The following PTCHD4 variants were observed in gnomAD, a reference collection of about 807,000 sequenced individuals.
The protein encoded by PTCHD4 is patched domain-containing protein 4.
In PTCHD4, 33 loss-of-function variants were observed where a neutral mutation model predicts 58.1. The observed-to-expected ratio is 0.57, with a 90% CI of 0.43 to 0.76. The LOEUF (loss-of-function observed/expected upper bound fraction) is 0.76. Ranked by LOEUF, PTCHD4 falls within the 30% of genes least tolerant of loss-of-function variation. PTCHD4 has a pLI of 0.00. For synonymous variants in PTCHD4, 478 were observed against 409.6 expected, an observed-to-expected ratio of 1.17 and a Z score of -2.02; for missense variants, 1,058 against 1,027.1, an observed-to-expected ratio of 1.03 and a Z score of -0.41.
intron 1 of PTCHD4, among the ~76,000 whole-genome samples, chr6:48,104,420 C>T (rs370636935): frequency 6.6e-6 from 1 of 152,120 alleles, no homozygotes; most frequent in Non-Finnish European, 1.5e-5. Context: ...TTGTCACCAC[C>T]AGGCCTGCCC....
At chr6:47,926,700 G>T (rs544109933) in intron 4 of PTCHD4, among the ~76,000 whole-genome samples, 196 of 152,272 alleles carry the variant, frequency 1.3e-3, no homozygotes, top group Non-Finnish European at 1.3e-3. Flanking sequence ...GTAGTAGAAA[G>T]AACATAGATC....
chr6:48,083,563 T>TA (rs1462942763), intron 1 of PTCHD4, among the ~76,000 whole-genome samples: 1 of 152,152 alleles, frequency 6.6e-6, no homozygotes, highest in Non-Finnish European at 1.5e-5. Context: ...TTATGGGGGT[T>TA]AAAATGGAAG....
intron 4 of PTCHD4, among the ~76,000 whole-genome samples, chr6:47,910,970 T>C (rs1166810478): frequency 6.6e-6 from 1 of 152,106 alleles, no homozygotes; most frequent in Non-Finnish European, 1.5e-5. Flanking sequence ...TTAGTGAAGC[T>C]CATGACCTAA....
intron 4 of PTCHD4, among the ~76,000 whole-genome samples, chr6:47,923,953 A>G (rs552073830): frequency 9.3e-4 from 141 of 152,282 alleles, no homozygotes; most frequent in African/African-American, 3.2e-3. Context: ...TGAGGCTAAC[A>G]TCACTCACAA....
chr6:48,004,671 C>A (rs1409842449), intron 4 of PTCHD4, among the ~76,000 whole-genome samples: 1 of 152,096 alleles, frequency 6.6e-6, no homozygotes, highest in East Asian at 1.9e-4. Context: ...AATCCCAGAA[C>A]TTTGGGAGGC....
Position 47,914,733 on chromosome 6 carries a change from TTATCTATCTATTATC to T in PTCHD4, c.899-34812_899-34798del, listed in dbSNP as rs1389302527. Among the ~76,000 whole-genome samples, 151 of 61,752 alleles carry T rather than the reference TTATCTATCTATTATC, an allele frequency of 2.4e-3. 1 individual carries two copies. Among genetic ancestry groups the T allele is most frequent in the South Asian group, 5.2e-3 (8 of 1,532 alleles). 40.5% of individuals were successfully genotyped at this position (61,752 alleles called of 152,430 possible). A position where few individuals can be genotyped will look rare whatever the true frequency, so the allele number is the denominator to read the frequency against. ...GTCTCTCTGTCTGTCTATCTATCTATTATCTATCTATTATCTATCTATCTATCTATCTATCTATCT... is the reference window on the plus strand; with the variant it reads ...GTCTCTCTGTCTGTCTATCTATCTATTATCTATCTATCTATCTATCTATCT... On this transcript the variant is annotated intron_variant, in intron 4 of 4. Coordinates refer to ENST00000339488, the MANE Select transcript of PTCHD4 (RefSeq NM_001384253.1).
chr6:47,860,845 A>G lies in PTCHD4; in HGVS notation c.*17458T>C, dbSNP rs759047165. Among the ~76,000 whole-genome samples, 8 of 152,032 alleles carry G rather than the reference A, an allele frequency of 5.3e-5. No homozygotes were observed. Among genetic ancestry groups the G allele is most frequent in the Non-Finnish European group, 1.0e-4 (7 of 67,954 alleles). Reference sequence around the variant, plus strand: ...TGAACTGGCGATAAAATACTTTCATAAAAATTATTTATCCTGAGATAAACT... The same window carrying G: ...TGAACTGGCGATAAAATACTTTCATGAAAATTATTTATCCTGAGATAAACT... On this transcript the variant is annotated 3_prime_UTR_variant, in exon 5 of 5. Coordinates refer to ENST00000339488, the MANE Select transcript of PTCHD4 (RefSeq NM_001384253.1).
chr6:48,029,504 C>T (rs973266446), intron 3 of PTCHD4, among the ~76,000 whole-genome samples: 1 of 152,002 alleles, frequency 6.6e-6, no homozygotes, highest in African/African-American at 2.4e-5. Context: ...TATGGCTTTT[C>T]TGCTTGAAAT....
At chr6:47,943,837 T>C (rs368287361) in intron 4 of PTCHD4, among the ~76,000 whole-genome samples, 22 of 152,206 alleles carry the variant, frequency 1.4e-4, no homozygotes, top group African/African-American at 5.1e-4. Flanking sequence ...CAGTTCCATC[T>C]GGCTACAAAG....
chr6:47,899,149 C>T (rs1476908083), intron 4 of PTCHD4, among the ~76,000 whole-genome samples: 1 of 152,198 alleles, frequency 6.6e-6, no homozygotes, highest in African/African-American at 2.4e-5. Context: ...ATCACATCCG[C>T]CACAACTCCT....
intron 4 of PTCHD4, among the ~76,000 whole-genome samples, chr6:47,949,697 C>T (rs1377633958): frequency 1.3e-5 from 2 of 151,962 alleles, no homozygotes; most frequent in Admixed American, 6.6e-5. Context: ...TTTCTTTGAT[C>T]CTTCAGAACA....
rs1313836679 is a variant in PTCHD4, at chr6:47,876,742, T to A, written c.*1561A>T. ...CCTGGAAATAAATTATGTTACTGCTTGGCATGGGAAAAGGCATTTTCTAGT... is the reference window on the plus strand; with the variant it reads ...CCTGGAAATAAATTATGTTACTGCTAGGCATGGGAAAAGGCATTTTCTAGT... On this transcript the variant is annotated 3_prime_UTR_variant, in exon 5 of 5. Coordinates refer to ENST00000339488, the MANE Select transcript of PTCHD4 (RefSeq NM_001384253.1). Among the ~76,000 whole-genome samples, 6 of 152,022 alleles carry A rather than the reference T, an allele frequency of 3.9e-5. No homozygotes were observed. Among genetic ancestry groups the A allele is most frequent in the Non-Finnish European group, 8.8e-5 (6 of 67,958 alleles).
At chr6:48,067,003 T>C (rs1764821893) in intron 3 of PTCHD4, among the ~76,000 whole-genome samples, 1 of 152,186 alleles carries the variant, frequency 6.6e-6, no homozygotes, top group Non-Finnish European at 1.5e-5. Flanking sequence ...TGGGGTCCTT[T>C]CTATTCCACT....
chr6:48,015,902 A>G (rs1382818890), intron 3 of PTCHD4, among the ~76,000 whole-genome samples: 11 of 151,962 alleles, frequency 7.2e-5, no homozygotes, highest in African/African-American at 2.7e-4. Context: ...TATATAACTA[A>G]TTATAGGTTA....
At chr6:47,893,680 C>T (rs1764446602) in intron 4 of PTCHD4, among the ~76,000 whole-genome samples, 1 of 152,164 alleles carries the variant, frequency 6.6e-6, no homozygotes, top group Non-Finnish European at 1.5e-5. Flanking sequence ...TACATGAGTC[C>T]CTTAGTACAA....
rs755408249 is a variant in PTCHD4 at position 47,862,625 on chromosome 6, T to C, written c.*15678A>G. ...TACTGGGACAGAAGGGAAAAATTAG[T>C]TCTGTGTTATTTTAATTGAAATTCA... is the stretch of plus-strand genomic sequence containing the variant. On this transcript the variant is annotated 3_prime_UTR_variant, in exon 5 of 5. Coordinates refer to ENST00000339488, the MANE Select transcript of PTCHD4 (RefSeq NM_001384253.1). Among the ~76,000 whole-genome samples the C allele has an allele frequency of 2.0e-5, 3 of 151,854 alleles. No homozygotes were observed. Among genetic ancestry groups the C allele is most frequent in the Admixed American group, 6.6e-5 (1 of 15,212 alleles).
At chr6:47,935,001 T>C (rs976935557) in intron 4 of PTCHD4, among the ~76,000 whole-genome samples, 1 of 152,188 alleles carries the variant, frequency 6.6e-6, no homozygotes, top group African/African-American at 2.4e-5. Flanking sequence ...CATAACAAAA[T>C]AGGGTTGAAA....
rs149157796 is a variant in PTCHD4 at position 47,889,835 on chromosome 6, A to G, written c.899-9899T>C. On this transcript the variant is annotated intron_variant, in intron 4 of 4. Transcript: ENST00000339488. ...TAAAACACCAAAAGCAATGGCAACAAAAGACAAAATTGACAAATGGGATCT... is the reference window on the plus strand; with the variant it reads ...TAAAACACCAAAAGCAATGGCAACAGAAGACAAAATTGACAAATGGGATCT... Among the ~76,000 whole-genome samples, 10 of 151,312 alleles carry G rather than the reference A, an allele frequency of 6.6e-5. No homozygotes were observed. The East Asian group carries it at 1.4e-3, about 21-fold the overall frequency.
At chr6:47,907,446 A>G (rs2113861334) in intron 4 of PTCHD4, among the ~76,000 whole-genome samples, 1 of 152,340 alleles carries the variant, frequency 6.6e-6, no homozygotes, top group East Asian at 1.9e-4. Flanking sequence ...GACAAGAAGA[A>G]GAAAACTGTG....
Sources: allele counts gnomAD v4.1 joint callset (sites outside exome capture counted in the v4.1 genomes callset), GRCh38; gene constraint gnomAD v4.1.1; transcripts MANE v1.5; gene names NCBI Gene and HGNC (gene_info 2026-07-23, HGNC 2026-07-21).